Variants in HELZ observed in about 807,000 individuals in gnomAD.
HELZ encodes the protein ATP-dependent RNA helicase with zinc finger domain.
HELZ carries 23 observed loss-of-function variants against 218.2 expected under a neutral mutation model. That is an observed-to-expected ratio of 0.11 (90% CI 0.08 to 0.15). The LOEUF (loss-of-function observed/expected upper bound fraction) is 0.15. Ranked by LOEUF, HELZ falls within the 10% of genes least tolerant of loss-of-function variation. The probability of loss-of-function intolerance (pLI) is 1.00; values close to 1 mark genes in which losing one functional copy is unlikely to be tolerated. For synonymous variants in HELZ, 814 were observed against 829.4 expected (o/e 0.98, Z 0.32); for missense variants, 1,813 against 2,353.7 (o/e 0.77, Z 4.75).
intron 22 of HELZ, 23 bp from the exon 23 acceptor site, chr17:67,136,221 A>G: frequency 4.7e-6 from 7 of 1,489,180 alleles, no homozygotes; most frequent in Non-Finnish European, 5.6e-6. Flanking sequence ...TTTTTTAAGA[A>G]AAGACTTAAG....
At chr17:67,211,397 G>T (rs1478460751) in intron 5 of HELZ, among the ~76,000 whole-genome samples, 1 of 152,120 alleles carries the variant, frequency 6.6e-6, no homozygotes, top group Non-Finnish European at 1.5e-5. Context: ...GAGGCATACT[G>T]AAGTATTTAG....
Position 67,135,982 on chromosome 17 carries a change from A to G in HELZ, c.3170T>C (p.Ile1057Thr), listed in dbSNP as rs763801339. 1 of 1,612,912 alleles carries G rather than the reference A, an allele frequency of 6.2e-7. No homozygotes were observed. Among genetic ancestry groups the G allele is most frequent in the African/African-American group, 1.3e-5 (1 of 75,020 alleles). Residue 1057 changes from isoleucine (I) to threonine (T), a missense_variant, in exon 23 of 33, where the codon ATT becomes ACT. Physicochemically the swap from Ile to Thr is moderately conservative, Grantham distance 89. Transcript: ENST00000358691. ...VVGDPIALCS[I>T]GRCRKFWERF... ...AACACATAATTACCTGCATCTTCCA[A>G]TAGAGCACAGAGCAATGGGATCACC... is the stretch of plus-strand genomic sequence containing the variant.
intron 5 of HELZ, among the ~76,000 whole-genome samples, chr17:67,215,137 C>T (rs1339736496): frequency 6.6e-6 from 1 of 151,796 alleles, no homozygotes; most frequent in East Asian, 2.0e-4. Flanking sequence ...GAGCAAGACT[C>T]TGTCTCAGAG....
At chr17:67,192,372 A>T (rs2144304663) in intron 9 of HELZ, among the ~76,000 whole-genome samples, 1 of 152,278 alleles carries the variant, frequency 6.6e-6, no homozygotes, top group East Asian at 1.9e-4. Flanking sequence ...ACCGTATTTG[A>T]AAAAATGAGT....
intron 7 of HELZ, among the ~76,000 whole-genome samples, chr17:67,198,049 C>G (rs1598408326): frequency 6.6e-6 from 1 of 152,086 alleles, no homozygotes; most frequent in East Asian, 1.9e-4. Flanking sequence ...CAAACTAGCC[C>G]TTCAAATGAT....
At position 67,233,268 on chromosome 17, in the gene HELZ, G is replaced by C. The variant is rs537169533; in HGVS notation, c.-19+6165C>G. 2.6e-5 allele frequency among the ~76,000 whole-genome samples: 4 copies of C among 152,186 alleles called. No homozygotes were observed. The East Asian group carries it at 7.7e-4, about 29-fold the overall frequency. On this transcript the variant is annotated intron_variant, in intron 3 of 32. Transcript: ENST00000358691. ...CTTGGGAAGCTGAGGTGGGAGAATC[G>C]CTTAAACCTGGGATGCGGAGGCTGC...
At chr17:67,143,488 T>C (rs529180224) in intron 21 of HELZ, among the ~76,000 whole-genome samples, 1 of 152,170 alleles carries the variant, frequency 6.6e-6, no homozygotes, top group South Asian at 2.1e-4. Context: ...TGGTGGTGCG[T>C]ACCCATAGTC....
chr17:67,187,719 T>C (rs948273256), intron 12 of HELZ, among the ~76,000 whole-genome samples: 4 of 152,188 alleles, frequency 2.6e-5, no homozygotes, highest in Non-Finnish European at 4.4e-5. Context: ...AATTTAGATA[T>C]AGGCAATAAA....
At chr17:67,110,925 A>G (rs1392853370) in intron 28 of HELZ, among the ~76,000 whole-genome samples, 1 of 152,224 alleles carries the variant, frequency 6.6e-6, no homozygotes, top group Non-Finnish European at 1.5e-5. Context: ...ATGCAACTGT[A>G]GTGCCTGAGA....
intron 3 of HELZ, among the ~76,000 whole-genome samples, chr17:67,232,482 G>A (rs541959493): frequency 6.6e-6 from 1 of 152,290 alleles, no homozygotes; most frequent in Non-Finnish European, 1.5e-5. Flanking sequence ...CAAGCAATAA[G>A]TTTTCATTGT....
intron 12 of HELZ, among the ~76,000 whole-genome samples, chr17:67,182,943 C>T (rs984428125): frequency 4.6e-5 from 7 of 152,008 alleles, no homozygotes; most frequent in Admixed American, 2.0e-4. Context: ...AGAAAATAAG[C>T]GGTGGGGAAA....
intron 5 of HELZ, among the ~76,000 whole-genome samples, chr17:67,212,989 T>C (rs1271959244): frequency 2.6e-5 from 4 of 152,230 alleles, no homozygotes; most frequent in Non-Finnish European, 5.9e-5. Flanking sequence ...TTTTAGTGAT[T>C]CAAAAGTTGT....
chr17:67,242,507 CACATATAT>C (rs2041347743), intron 2 of HELZ, among the ~76,000 whole-genome samples: 1 of 1,686 alleles, frequency 5.9e-4, no homozygotes, highest in Admixed American at 7.5e-3. Flanking sequence ...TATCTATACA[CACATATAT>C]GTATATATAC....
chr17:67,122,600 C>T (rs890964267), intron 26 of HELZ, among the ~76,000 whole-genome samples: 4 of 151,344 alleles, frequency 2.6e-5, no homozygotes, highest in Admixed American at 2.0e-4. Flanking sequence ...CCCAGCTACT[C>T]GGGAGGCTGA....
intron 17 of HELZ, among the ~76,000 whole-genome samples, chr17:67,153,471 T>C (rs2038750755): frequency 6.6e-6 from 1 of 152,244 alleles, no homozygotes; most frequent in East Asian, 1.9e-4. Context: ...TTCATCACTA[T>C]TATTCCTCTT....
intron 15 of HELZ, among the ~76,000 whole-genome samples, chr17:67,165,444 C>T (rs2039115682): frequency 3.3e-5 from 5 of 152,104 alleles, no homozygotes; most frequent in Admixed American, 3.3e-4. Flanking sequence ...CAGGGTGACC[C>T]TGGAAACCAC....
chr17:67,245,654 G>A (rs1479039521), upstream of HELZ: 2 of 350,588 alleles, frequency 5.7e-6, no homozygotes, highest in East Asian at 1.7e-4. Context: ...CAGAGGCCGC[G>A]CAGACCAGCT....
At chr17:67,092,902 A>C (rs990629621) in intron 31 of HELZ, among the ~76,000 whole-genome samples, 1 of 145,266 alleles carries the variant, frequency 6.9e-6, no homozygotes, top group Admixed American at 7.0e-5. Context: ...CGGGGGGGGG[A>C]AGTTGCAGTG....
At position 67,194,053 on chromosome 17, in the gene HELZ, A is replaced by G; in HGVS notation, c.482-11T>C. 6.3e-7 allele frequency: 1 copy of G among 1,591,078 alleles called. No homozygotes were observed. The highest frequency in any genetic ancestry group is 8.6e-7 in the Non-Finnish European group (1 of 1,160,374). On this transcript the variant is annotated splice_polypyrimidine_tract_variant and intron_variant, in intron 8 of 32. Coordinates refer to ENST00000358691, the MANE Select transcript of HELZ (RefSeq NM_014877.4). Reference sequence around the variant, plus strand: ...AACCATTACAAGACCCTAGGGAGTAATTAGGATATAGTCTTATCATTTGAG... The same window carrying G: ...AACCATTACAAGACCCTAGGGAGTAGTTAGGATATAGTCTTATCATTTGAG...
Sources: allele counts gnomAD v4.1 joint callset (sites outside exome capture counted in the v4.1 genomes callset), GRCh38; gene constraint gnomAD v4.1.1; transcripts MANE v1.5; gene names NCBI Gene and HGNC (gene_info 2026-07-23, HGNC 2026-07-21).